The following ATP10A variants were observed in gnomAD, a reference collection of about 807,000 sequenced individuals.
ATP10A encodes the protein ATPase phospholipid transporting 10A (putative).
Under a neutral mutation model 147.8 loss-of-function variants are expected in ATP10A, and 111 were observed. The ratio of observed to expected loss-of-function variants is 0.75; its 90% confidence interval spans 0.64 to 0.88. The LOEUF is 0.88. Among genes scored for constraint, ATP10A ranks in the 40% least tolerant of loss-of-function variants. ATP10A has a pLI of 0.00. For missense variants in ATP10A, 1,927 were observed against 1,959.0 expected, an observed-to-expected ratio of 0.98 and a Z score of 0.31; for synonymous variants, 875 against 841.6, an observed-to-expected ratio of 1.04 and a Z score of -0.69.
Position 25,781,156 on chromosome 15 carries a change from A to T in ATP10A, c.517T>A (p.Cys173Ser). Residue 173 changes from cysteine to serine, a missense_variant, in exon 2 of 21, where the codon TGC becomes AGC. By Grantham distance (112) the Cys-to-Ser change is moderately radical. Transcript: ENST00000555815. Reference sequence around the variant, plus strand: ...ATGTCCGCAGGGAAGATTTCGTTGCAGCGAAGACGCACAAAGTCTCCCACG... The same window carrying T: ...ATGTCCGCAGGGAAGATTTCGTTGCTGCGAAGACGCACAAAGTCTCCCACG... ...IHVGDFVRLR[C>S]NEIFPADILL... 1 of 1,614,218 alleles carries T rather than the reference A, an allele frequency of 6.2e-7. No homozygotes were observed. The highest frequency in any genetic ancestry group is 8.5e-7 in the Non-Finnish European group (1 of 1,180,046).
chr15:25,754,820 G>A (rs911129414), intron 2 of ATP10A, among the ~76,000 whole-genome samples: 8 of 152,090 alleles, frequency 5.3e-5, no homozygotes, highest in Admixed American at 2.6e-4. Flanking sequence ...TATGTAAAAC[G>A]TTCCAGATGA....
At chr15:25,850,028 G>A (rs1459425774) in intron 1 of ATP10A, among the ~76,000 whole-genome samples, 6 of 152,160 alleles carry the variant, frequency 3.9e-5, no homozygotes, top group Non-Finnish European at 8.8e-5. Flanking sequence ...TTAATTATGA[G>A]GGACAAGACA....
chr15:25,807,928 T>C (rs1285530222), intron 1 of ATP10A, among the ~76,000 whole-genome samples: 2 of 152,064 alleles, frequency 1.3e-5, no homozygotes, highest in Non-Finnish European at 2.9e-5. Flanking sequence ...AATTGAACGA[T>C]TTCTTTGAGG....
chr15:25,722,964 A>G (rs572986590), intron 6 of ATP10A, among the ~76,000 whole-genome samples: 1 of 152,224 alleles, frequency 6.6e-6, no homozygotes, highest in Non-Finnish European at 1.5e-5. Context: ...GATAAATGCA[A>G]TGTGGATAAC....
chr15:25,775,881 C>T lies in ATP10A; in HGVS notation c.654+5138G>A, dbSNP rs1436842021. Among the ~76,000 whole-genome samples the T allele has an allele frequency of 5.2e-5, 8 of 152,388 alleles. No individual in the cohort carries two copies. In the East Asian group the frequency reaches 1.4e-3, roughly 26 times the overall value. On this transcript the variant is annotated intron_variant, in intron 2 of 20. Coordinates refer to ENST00000555815, the MANE Select transcript of ATP10A (RefSeq NM_024490.4). The stretch of plus-strand genomic sequence containing the variant: ...AGGACAGCCCTGTCCCCGCCTCACC[C>T]CGGCTGAAATTCCAACACTCATCTG...
chr15:25,781,848 G>A (rs910011888), intron 1 of ATP10A, among the ~76,000 whole-genome samples: 1 of 152,160 alleles, frequency 6.6e-6, no homozygotes, highest in Admixed American at 6.5e-5. Context: ...TTAACGGCAA[G>A]AGGCTTCTTT....
intron 1 of ATP10A, among the ~76,000 whole-genome samples, chr15:25,830,755 G>A (rs1052980725): frequency 1.3e-5 from 2 of 152,044 alleles, no homozygotes; most frequent in Admixed American, 6.6e-5. Flanking sequence ...ATTTTAAGAT[G>A]GTCTATATTA....
chr15:25,819,010 G>A (rs1050417143), intron 1 of ATP10A, among the ~76,000 whole-genome samples: 1 of 152,138 alleles, frequency 6.6e-6, no homozygotes, highest in Non-Finnish European at 1.5e-5. Context: ...ACTGCTGGAC[G>A]TTGGTCTAGG....
chr15:25,778,940 G>A (rs1470949914), intron 2 of ATP10A, among the ~76,000 whole-genome samples: 1 of 151,374 alleles, frequency 6.6e-6, no homozygotes, highest in Admixed American at 6.6e-5. Flanking sequence ...GCAGTGGTGT[G>A]ATCTCGGCTC....
chr15:25,805,006 A>G (rs1052499978), intron 1 of ATP10A, among the ~76,000 whole-genome samples: 2 of 152,182 alleles, frequency 1.3e-5, no homozygotes, highest in Non-Finnish European at 2.9e-5. Context: ...AAAAGGAAAA[A>G]TTCTTTTGAA....
In ATP10A at chr15:25,836,896, C is replaced by A. The variant is rs183780886; in HGVS notation, c.449+25752G>T. 6.6e-5 allele frequency among the ~76,000 whole-genome samples: 10 copies of A among 152,252 alleles called. No homozygotes were observed. In the East Asian group the frequency reaches 1.7e-3, roughly 27 times the overall value. On this transcript the variant is annotated intron_variant, in intron 1 of 20. Coordinates refer to ENST00000555815, the MANE Select transcript of ATP10A (RefSeq NM_024490.4). ...CCTGCAAGTCTCTCGAAGGCAAGAC[C>A]CAGTATTTACCTTCAGGTCCACACA...
chr15:25,855,348 A>G (rs2140917320), intron 1 of ATP10A, among the ~76,000 whole-genome samples: 1 of 152,308 alleles, frequency 6.6e-6, no homozygotes, highest in Middle Eastern at 3.4e-3. Context: ...ATTAATGAGT[A>G]TATGTCATAT....
chr15:25,861,479 G>A (rs540859057), intron 1 of ATP10A, among the ~76,000 whole-genome samples: 1 of 152,160 alleles, frequency 6.6e-6, no homozygotes, highest in Non-Finnish European at 1.5e-5. Flanking sequence ...CTGGGAGGGT[G>A]AAAGGTACTC....
At chr15:25,859,249 C>T (rs1355592962) in intron 1 of ATP10A, among the ~76,000 whole-genome samples, 4 of 152,178 alleles carry the variant, frequency 2.6e-5, no homozygotes, top group South Asian at 2.1e-4. Flanking sequence ...CTCTCGGCCC[C>T]GAGGGATGCC....
chr15:25,780,846 G>A (rs867280067), intron 2 of ATP10A, among the ~76,000 whole-genome samples, 173 bp downstream of exon 2: 51 of 152,186 alleles, frequency 3.4e-4, no homozygotes, highest in African/African-American at 1.2e-3. Flanking sequence ...TCACAGGCGG[G>A]TCATGGGCTC....
At chr15:25,731,648 G>T (rs1886941897) in intron 3 of ATP10A, among the ~76,000 whole-genome samples, 1 of 152,172 alleles carries the variant, frequency 6.6e-6, no homozygotes, top group East Asian at 1.9e-4. Context: ...AGGAGTGAGT[G>T]CTGGGAACAG....
Position 25,708,082 on chromosome 15 carries a change from A to G in ATP10A, c.2469T>C (p.Tyr823=). The stretch of plus-strand genomic sequence containing the variant: ...CTAGGTGGCTTTGCAACCAGCAGGC[A>G]TACTCTTCTTTACTCAGAACCTATG... The part of the protein sequence containing the change: ...IAKRVLSKEE[Y]ACWLQSHLEA... Residue 823 remains tyrosine, a synonymous_variant, in exon 12 of 21, where the codon TAT becomes TAC. Coordinates refer to ENST00000555815, the MANE Select transcript of ATP10A (RefSeq NM_024490.4). 5 of 1,614,120 alleles carry G rather than the reference A, an allele frequency of 3.1e-6. No individual in the cohort carries two copies. Among genetic ancestry groups the G allele is most frequent in the Non-Finnish European group, 4.2e-6 (5 of 1,180,026 alleles).
At chr15:25,737,971 A>T (rs1185669454) in intron 2 of ATP10A, among the ~76,000 whole-genome samples, 1 of 152,152 alleles carries the variant, frequency 6.6e-6, no homozygotes, top group Non-Finnish European at 1.5e-5. Context: ...GAGAAAATAA[A>T]CTTCCGTTGC....
chr15:25,733,603 C>G (rs888664636), intron 3 of ATP10A, among the ~76,000 whole-genome samples: 5 of 152,214 alleles, frequency 3.3e-5, no homozygotes, highest in Non-Finnish European at 4.4e-5. Flanking sequence ...AGGGGCCATC[C>G]AGGCCCTGAC....
Sources: allele counts gnomAD v4.1 joint callset (sites outside exome capture counted in the v4.1 genomes callset), GRCh38; gene constraint gnomAD v4.1.1; transcripts MANE v1.5; gene names NCBI Gene and HGNC (gene_info 2026-07-23, HGNC 2026-07-21).